Variants in HPS3 observed in about 807,000 individuals in gnomAD.
The protein encoded by HPS3 is BLOC-2 complex member HPS3.
In HPS3, 79 loss-of-function variants were observed where a neutral mutation model predicts 110.9. That is an observed-to-expected ratio of 0.71 (90% CI 0.59 to 0.86). The LOEUF is 0.86. HPS3 is among the 40% of genes least tolerant of loss of function. HPS3 has a pLI of 0.00. For missense variants in HPS3, 1,197 were observed against 1,206.2 expected (o/e 0.99, Z 0.11); for synonymous variants, 428 against 451.0 (o/e 0.95, Z 0.65).
intron 9 of HPS3, among the ~76,000 whole-genome samples, chr3:149,158,088 CTG>C (rs929860702): frequency 4.6e-4 from 70 of 152,250 alleles, no homozygotes; most frequent in African/African-American, 1.6e-3. Flanking sequence ...GTTGGACAGT[CTG>C]TGATTTTGAT....
Position 149,141,207 on chromosome 3 carries a change from T to TTTTA in HPS3, c.884+22_884+23insATTT. ...TCTATAGGTATTATAGTGCTTTTTT[T>TTTTA]TTTTTTACCAGCATTTTATGTATAT... On this transcript the variant is annotated intron_variant, in intron 3 of 16. Transcript: ENST00000296051. The TTTTA allele has an allele frequency of 6.2e-7, 1 of 1,610,026 alleles. No individual in the cohort carries two copies.
intron 11 of HPS3, among the ~76,000 whole-genome samples, chr3:149,161,447 T>C (rs1465367806): frequency 7.5e-6 from 1 of 133,280 alleles, no homozygotes; most frequent in East Asian, 2.1e-4. Flanking sequence ...TAATACTGCA[T>C]TGTTTAGGGA....
intron 6 of HPS3, 40 bp downstream of exon 6, chr3:149,150,720 A>G: frequency 6.9e-7 from 1 of 1,441,612 alleles, no homozygotes; most frequent in Non-Finnish European, 9.8e-7. Flanking sequence ...CCTTAAGATC[A>G]CAAGGGAGCA....
In HPS3 at chr3:149,158,720, G is replaced by A. The variant is rs557369434; in HGVS notation, c.1746G>A (p.Leu582=). 2.5e-6 allele frequency: 4 copies of A among 1,613,746 alleles called. No individual in the cohort carries two copies. Among genetic ancestry groups the A allele is most frequent in the Non-Finnish European group, 3.4e-6 (4 of 1,179,716 alleles). ...LTLPYYKMSG[L]SMAEVLARTD... ...TGCCATACTATAAGATGTCTGGTTT[G>A]TCTATGGCTGAAGTTCTGGCCCGCA... The change falls in exon 10 of 17, where the codon TTG becomes TTA. Residue 582 remains leucine (L), a synonymous_variant. Coordinates refer to ENST00000296051, the MANE Select transcript of HPS3 (RefSeq NM_032383.5).
Position 149,145,414 on chromosome 3 carries a change from G to C in HPS3, c.1031G>C (p.Cys344Ser), listed in dbSNP as rs966713954. The C allele has an allele frequency of 2.5e-6, 4 of 1,613,854 alleles. No individual in the cohort carries two copies. The highest frequency in any genetic ancestry group is 1.7e-5 in the Admixed American group (1 of 59,998). ...SQEKELLSLF[C>S]FFSLPHVGYL... ...GAAAAAGAATTGCTGAGTCTCTTTT[G>C]CTTTTTCTCCTTACCTCATGTGGGC... Residue 344 changes from cysteine (C) to serine (S), a missense_variant, in exon 5 of 17, where the codon TGC becomes TCC. Coordinates refer to ENST00000296051, the MANE Select transcript of HPS3 (RefSeq NM_032383.5).
rs777890661 is a variant in HPS3 at position 149,167,239 on chromosome 3, G to A, written c.2795G>A (p.Arg932Gln). Residue 932 changes from arginine (R) to glutamine (Q), a missense_variant and splice_region_variant, in exon 15 of 17, where the codon CGG (arginine) becomes CAG (glutamine). Transcript: ENST00000296051. ...YANHELKEEN[R>Q]TLWWKKLLPE... ...AATCATGAACTGAAAGAAGAGAACC[G>A]GGTATGCTTTTTCAGATTATGTTTT... 1.7e-5 allele frequency: 27 copies of A among 1,609,630 alleles called. No homozygotes were observed. Among genetic ancestry groups the A allele is most frequent in the East Asian group, 6.7e-5 (3 of 44,760 alleles).
In HPS3 at chr3:149,153,638, A is replaced by C. The variant is rs1559917152; in HGVS notation, c.1390A>C (p.Lys464Gln). The part of the protein sequence containing the change: ...EAIPERRQSP[K>Q]RLLSRKDTSV... ...CATTCCAGAGAGAAGACAGTCACCC[A>C]AGAGGCTTCTGTAAGCATCCCCTTG... The change falls in exon 7 of 17, where the codon AAG becomes CAG. Residue 464 changes from lysine to glutamine, a missense_variant. Lys to Gln is a moderately conservative substitution (Grantham distance 53). Coordinates refer to ENST00000296051, the MANE Select transcript of HPS3 (RefSeq NM_032383.5). 2 of 1,614,218 alleles carry C rather than the reference A, an allele frequency of 1.2e-6. No homozygotes were observed. Among genetic ancestry groups the C allele is most frequent in the Non-Finnish European group, 1.7e-6 (2 of 1,180,020 alleles).
intron 6 of HPS3, among the ~76,000 whole-genome samples, chr3:149,151,220 G>A (rs544090129): frequency 6.7e-6 from 1 of 148,552 alleles, no homozygotes; most frequent in South Asian, 2.1e-4. Context: ...TTTCTGCAGA[G>A]ACAGGTTTTG....
At chr3:149,134,567 A>G (rs1337860427) in intron 1 of HPS3, among the ~76,000 whole-genome samples, 2 of 152,112 alleles carry the variant, frequency 1.3e-5, no homozygotes, top group Non-Finnish European at 2.9e-5. Flanking sequence ...TCACTTGGGG[A>G]GTTTTTAAAA....
chr3:149,130,040 C>G, intron 1 of HPS3, 100 bp downstream of exon 1: 1 of 1,167,156 alleles, frequency 8.6e-7, no homozygotes, highest in Non-Finnish European at 1.2e-6. Flanking sequence ...AGGGATGGGA[C>G]TTCTTGCTTC....
rs1395230157 is a variant in HPS3, at chr3:149,153,627, G to T, written c.1379G>T (p.Arg460Ile). The T allele has an allele frequency of 1.2e-6, 2 of 1,614,020 alleles. No homozygotes were observed. Among genetic ancestry groups the T allele is most frequent in the Non-Finnish European group, 1.7e-6 (2 of 1,179,842 alleles). Residue 460 changes from arginine (R) to isoleucine (I), a missense_variant, in exon 7 of 17, where the codon AGA becomes ATA. Arg to Ile is a moderately conservative substitution (Grantham distance 97). Coordinates refer to ENST00000296051, the MANE Select transcript of HPS3 (RefSeq NM_032383.5). The stretch of plus-strand genomic sequence containing the variant: ...GAACCTGAAGCCATTCCAGAGAGAA[G>T]ACAGTCACCCAAGAGGCTTCTGTAA... ...KAEPEAIPER[R>I]QSPKRLLSRK...
At chr3:149,144,218 A>G (rs1191782971) in intron 4 of HPS3, among the ~76,000 whole-genome samples, 1 of 137,318 alleles carries the variant, frequency 7.3e-6, no homozygotes, top group African/African-American at 2.9e-5. Context: ...CTACTAGAAA[A>G]AAAAAAAAAA....
chr3:149,143,307 C>T (rs1722595736), intron 4 of HPS3, among the ~76,000 whole-genome samples: 1 of 152,180 alleles, frequency 6.6e-6, no homozygotes, highest in Non-Finnish European at 1.5e-5. Flanking sequence ...ATTATTTGCT[C>T]TTCTTGTGCG....
chr3:149,148,949 C>CTTT (rs140573513), intron 5 of HPS3, among the ~76,000 whole-genome samples: 9 of 102,486 alleles, frequency 8.8e-5, no homozygotes, highest in Non-Finnish European at 1.5e-4. Flanking sequence ...GGAACCCTGC[C>CTTT]TTTTTTTTTT....
rs949035175 is a variant in HPS3, at chr3:149,151,336, T to C, written c.1245+656T>C. 1.3e-4 allele frequency among the ~76,000 whole-genome samples: 20 copies of C among 152,032 alleles called. No homozygotes were observed. In the East Asian group the frequency reaches 3.9e-3, roughly 29 times the overall value. On this transcript the variant is annotated intron_variant, in intron 6 of 16. Transcript: ENST00000296051. ...GCATGAACCACCATGCCTGGCCCAA[T>C]TGTATTTTACTAAATGGAAATACTG...
chr3:149,143,845 A>G (rs1365029227), intron 4 of HPS3, among the ~76,000 whole-genome samples: 1 of 152,162 alleles, frequency 6.6e-6, no homozygotes, highest in Non-Finnish European at 1.5e-5. Context: ...GGTGTCCTTC[A>G]AGGGTGTCAG....
At chr3:149,149,522 C>G (rs1250281772) in intron 5 of HPS3, among the ~76,000 whole-genome samples, 4 of 152,136 alleles carry the variant, frequency 2.6e-5, no homozygotes, top group Non-Finnish European at 5.9e-5. Flanking sequence ...GAAGCACCAG[C>G]AGATGGAGAG....
intron 4 of HPS3, 76 bp from the exon 5 acceptor site, chr3:149,145,278 C>T: frequency 8.6e-7 from 1 of 1,165,778 alleles, no homozygotes; most frequent in Non-Finnish European, 1.3e-6. Context: ...GTTTGCATAG[C>T]AAAGTCAATA....
At chr3:149,138,181 A>T (rs1722231533) in intron 1 of HPS3, among the ~76,000 whole-genome samples, 1 of 152,160 alleles carries the variant, frequency 6.6e-6, no homozygotes, top group Non-Finnish European at 1.5e-5. Context: ...AAAAAGAACC[A>T]TCATCAGGAG....
Sources: allele counts gnomAD v4.1 joint callset (sites outside exome capture counted in the v4.1 genomes callset), GRCh38; gene constraint gnomAD v4.1.1; transcripts MANE v1.5; gene names NCBI Gene and HGNC (gene_info 2026-07-23, HGNC 2026-07-21).